The following RNF170 variants were observed in gnomAD, a reference collection of about 807,000 sequenced individuals.
The protein encoded by RNF170 is E3 ubiquitin-protein ligase RNF170.
In RNF170, 12 loss-of-function variants were observed where a neutral mutation model predicts 32.7. The ratio of observed to expected loss-of-function variants is 0.37; its 90% confidence interval spans 0.24 to 0.60. RNF170 has a LOEUF of 0.60. Among genes scored for constraint, RNF170 ranks in the 20% least tolerant of loss-of-function variants. The pLI is 0.72. For synonymous variants in RNF170, 91 were observed against 103.6 expected (o/e 0.88, Z 0.74); for missense variants, 212 against 311.2 (o/e 0.68, Z 2.40).
At chr8:42,881,388 G>A (rs1327514036) in intron 2 of RNF170, 2 of 152,238 alleles carry the variant, frequency 1.3e-5, no homozygotes, top group African/African-American at 2.4e-5. Flanking sequence ...CCCAGGAGCA[G>A]GGGCCCATCA....
downstream of RNF170, chr8:42,850,788 C>T: frequency 6.4e-7 from 1 of 1,551,590 alleles, no homozygotes; most frequent in Non-Finnish European, 8.7e-7. Context: ...GAGGAGGGAA[C>T]ATTTAACCTG....
rs7014595 is a variant in RNF170 at position 42,856,463 on chromosome 8, A to G, written c.508-35T>C. The G allele has an allele frequency of 0.096, 137,034 of 1,427,078 alleles. 8,254 individuals are homozygous for G. Among genetic ancestry groups the G allele is most frequent in the African/African-American group, 0.27 (19,243 of 70,858 alleles). The allele number at this position is 1,427,078 out of a possible 1,614,324, so 88.4% of individuals were successfully genotyped here. ...GGAAAAACAAGTATTATGATTCAGCACCTAATGTGTCAGATTTCAAAATAA... is the reference window on the plus strand; with the variant it reads ...GGAAAAACAAGTATTATGATTCAGCGCCTAATGTGTCAGATTTCAAAATAA... On this transcript the variant is annotated intron_variant, in intron 6 of 6. Coordinates refer to ENST00000527424, the MANE Select transcript of RNF170 (RefSeq NM_030954.4).
At position 42,854,408 on chromosome 8, in the gene RNF170, G is replaced by C; in HGVS notation, c.*1751C>G. ...CAAAAACACTTTCATCAATAGCATGGGGATTGTATCTATGAAAGGGAAGTT... is the reference window on the plus strand; with the variant it reads ...CAAAAACACTTTCATCAATAGCATGCGGATTGTATCTATGAAAGGGAAGTT... On this transcript the variant is annotated 3_prime_UTR_variant, in exon 7 of 7. Transcript: ENST00000527424. The C allele has an allele frequency of 7.8e-7, 1 of 1,287,184 alleles. No homozygotes were observed. The highest frequency in any genetic ancestry group is 5.5e-5 in the East Asian group (1 of 18,024). 79.7% of individuals were successfully genotyped at this position (1,287,184 alleles called of 1,614,324 possible).
Position 42,854,474 on chromosome 8 carries a change from T to G in RNF170, c.*1685A>C, listed in dbSNP as rs570925886. The G allele has an allele frequency of 2.1e-5, 27 of 1,286,578 alleles. No individual in the cohort carries two copies. The East Asian group carries it at 1.3e-3, about 63-fold the overall frequency. The allele number at this position is 1,286,578 out of a possible 1,614,324, so 79.7% of individuals were successfully genotyped here. A position where few individuals can be genotyped will look rare whatever the true frequency, so the allele number is the denominator to read the frequency against. On this transcript the variant is annotated 3_prime_UTR_variant, in exon 7 of 7. Transcript: ENST00000527424. ...TCACAAAATTATCCAAAGGATAAAATGAAAAGTATGTGAGAAACCTGCTTT... is the reference window on the plus strand; with the variant it reads ...TCACAAAATTATCCAAAGGATAAAAGGAAAAGTATGTGAGAAACCTGCTTT...
chr8:42,869,578 G>T (rs1049905071), intron 4 of RNF170, among the ~76,000 whole-genome samples: 10 of 152,298 alleles, frequency 6.6e-5, no homozygotes, highest in South Asian at 6.2e-4. Flanking sequence ...GAGGCAGGAG[G>T]ACTAAGGCAG....
At chr8:42,858,880 T>A (rs921404950) in intron 6 of RNF170, among the ~76,000 whole-genome samples, 12 of 151,316 alleles carry the variant, frequency 7.9e-5, no homozygotes, top group Admixed American at 7.9e-4. Context: ...CAGTAAGGAG[T>A]TGGAACATTC....
chr8:42,872,464 C>G (rs537422423), intron 3 of RNF170, among the ~76,000 whole-genome samples: 1 of 152,110 alleles, frequency 6.6e-6, no homozygotes, highest in Non-Finnish European at 1.5e-5. Context: ...CTTTTTTAGA[C>G]GGAGTCTCAC....
In RNF170 at chr8:42,855,038, T is replaced by A. The variant is rs548732850; in HGVS notation, c.*1121A>T. On this transcript the variant is annotated 3_prime_UTR_variant, in exon 7 of 7. Coordinates refer to ENST00000527424, the MANE Select transcript of RNF170 (RefSeq NM_030954.4). ...TCCCAGTACCTTCCTATTGGCTTGA[T>A]GCTCAAAGACACGAAGATTCACCTT... 6.8e-5 allele frequency: 88 copies of A among 1,287,254 alleles called. No individual in the cohort carries two copies. The Middle Eastern group carries it at 2.0e-3, about 29-fold the overall frequency. The allele number at this position is 1,287,254 out of a possible 1,614,324, so 79.7% of individuals were successfully genotyped here.
At chr8:42,863,156 T>C (rs1355846652) in intron 5 of RNF170, among the ~76,000 whole-genome samples, 1 of 152,142 alleles carries the variant, frequency 6.6e-6, no homozygotes, top group Admixed American at 6.5e-5. Context: ...GAACAAGCAT[T>C]TGCCATCTGT....
intron 1 of RNF170, among the ~76,000 whole-genome samples, chr8:42,892,379 G>A (rs1183030629): frequency 2.0e-5 from 3 of 151,994 alleles, no homozygotes; most frequent in African/African-American, 7.3e-5. Flanking sequence ...TGCCCAAGCT[G>A]GTCTCCAACT....
chr8:42,850,559 T>C (rs6474422), downstream of RNF170: 405,224 of 570,710 alleles, frequency 0.71, 146,307 homozygotes, highest in African/African-American at 0.94. Flanking sequence ...GCAGGCATAA[T>C]GGTACATCTG....
intron 6 of RNF170, among the ~76,000 whole-genome samples, chr8:42,857,872 TAA>T (rs1160905837): frequency 6.6e-6 from 1 of 152,042 alleles, no homozygotes; most frequent in Non-Finnish European, 1.5e-5. Flanking sequence ...CCGTCTCTAC[TAA>T]AAATACAAAA....
At chr8:42,886,068 C>CA (rs1299915523) in intron 2 of RNF170, among the ~76,000 whole-genome samples, 1 of 151,900 alleles carries the variant, frequency 6.6e-6, no homozygotes, top group Non-Finnish European at 1.5e-5. Flanking sequence ...ACTAAAAATA[C>CA]AAAAAATTAG....
At chr8:42,873,758 G>A (rs1804698399) in intron 3 of RNF170, among the ~76,000 whole-genome samples, 173 bp downstream of exon 3, 1 of 152,152 alleles carries the variant, frequency 6.6e-6, no homozygotes, top group Non-Finnish European at 1.5e-5. Flanking sequence ...AATAGATTAA[G>A]GCTAGGCAAT....
chr8:42,855,073 T>C lies in RNF170; in HGVS notation c.*1086A>G, dbSNP rs980648888. On this transcript the variant is annotated 3_prime_UTR_variant, in exon 7 of 7. Coordinates refer to ENST00000527424, the MANE Select transcript of RNF170 (RefSeq NM_030954.4). ...CACGAAGATTCACCTTCCTCAGAAA[T>C]GCATCAGGCTACTCTGTGTTTGCAG... 3.1e-6 allele frequency: 4 copies of C among 1,287,238 alleles called. No homozygotes were observed. The allele number at this position is 1,287,238 out of a possible 1,614,324, so 79.7% of individuals were successfully genotyped here.
intron 4 of RNF170, among the ~76,000 whole-genome samples, chr8:42,868,060 T>C (rs1234175947): frequency 3.9e-5 from 6 of 152,214 alleles, no homozygotes; most frequent in Admixed American, 3.3e-4. Context: ...ATAACTTTCC[T>C]GGTGATTAGC....
In RNF170 at chr8:42,855,143, T is replaced by G. The variant is rs1454175731; in HGVS notation, c.*1016A>C. On this transcript the variant is annotated 3_prime_UTR_variant, in exon 7 of 7. Coordinates refer to ENST00000527424, the MANE Select transcript of RNF170 (RefSeq NM_030954.4). ...ACAATCTTCCCTTTACAAATTACTT[T>G]TATATCTACTACGAAAGGATGAGCT... The G allele has an allele frequency of 4.7e-6, 6 of 1,287,212 alleles. No homozygotes were observed. The South Asian group carries it at 7.4e-5, about 16-fold the overall frequency. The allele number at this position is 1,287,212 out of a possible 1,614,324, so 79.7% of individuals were successfully genotyped here. A position where few individuals can be genotyped will look rare whatever the true frequency, so the allele number is the denominator to read the frequency against.
chr8:42,858,455 A>G (rs1044463764), intron 6 of RNF170, among the ~76,000 whole-genome samples: 1 of 152,238 alleles, frequency 6.6e-6, no homozygotes, highest in African/African-American at 2.4e-5. Flanking sequence ...TTCAACACAC[A>G]TTAAGGCACC....
chr8:42,866,822 C>G (rs1001560079), intron 4 of RNF170, among the ~76,000 whole-genome samples: 3 of 152,142 alleles, frequency 2.0e-5, no homozygotes, highest in African/African-American at 7.2e-5. Context: ...TGTATAAGCA[C>G]CAAACTTCAG....
Sources: gnomAD v4.1 joint callset for allele counts (sites outside exome capture counted in the v4.1 genomes callset) on GRCh38, gnomAD v4.1.1 for gene constraint, MANE v1.5 for transcripts, NCBI Gene and HGNC (gene_info 2026-07-23, HGNC 2026-07-21) for gene names.